SNTG2: variants seen among roughly 807,000 people sequenced by gnomAD.
SNTG2 encodes gamma-2-syntrophin.
SNTG2 carries 74 observed loss-of-function variants against 70.9 expected under a neutral mutation model. The observed-to-expected ratio is 1.04, with a 90% CI of 0.86 to 1.27. The LOEUF is 1.27. Among genes scored for constraint, SNTG2 ranks in the 50% most tolerant of loss-of-function variants. The pLI is 0.00. For synonymous variants in SNTG2, 278 were observed against 273.8 expected, an observed-to-expected ratio of 1.02 and a Z score of -0.15; for missense variants, 717 against 690.7, an observed-to-expected ratio of 1.04 and a Z score of -0.43.
intron 4 of SNTG2, among the ~76,000 whole-genome samples, chr2:1,133,906 G>A (rs565316125): frequency 1.1e-4 from 17 of 149,076 alleles, no homozygotes; most frequent in Admixed American, 9.5e-4. Context: ...GAATGAAGCC[G>A]CGGACCCTCG....
intron 1 of SNTG2, among the ~76,000 whole-genome samples, chr2:1,019,872 G>A (rs113940379): frequency 1.3e-5 from 2 of 151,920 alleles, no homozygotes; most frequent in African/African-American, 2.4e-5. Context: ...GTGAAACCCC[G>A]TCTCTACAAA....
chr2:1,055,033 G>A (rs1199540648), intron 1 of SNTG2, among the ~76,000 whole-genome samples: 1 of 151,636 alleles, frequency 6.6e-6, no homozygotes, highest in African/African-American at 2.4e-5. Flanking sequence ...TCCAGCCTGC[G>A]TCAGGTACTG....
At chr2:1,255,394 T>A (rs1441439126) in intron 12 of SNTG2, among the ~76,000 whole-genome samples, 1 of 152,094 alleles carries the variant, frequency 6.6e-6, no homozygotes, top group Non-Finnish European at 1.5e-5. Context: ...ATGAATCACC[T>A]GGGAATACTT....
intron 4 of SNTG2, among the ~76,000 whole-genome samples, chr2:1,118,746 T>G (rs1000019847): frequency 2.6e-5 from 4 of 151,612 alleles, no homozygotes; most frequent in Non-Finnish European, 5.9e-5. Context: ...ATAAAAATAG[T>G]GAAGAAAGCC....
At chr2:1,028,965 C>A (rs2148029142) in intron 1 of SNTG2, among the ~76,000 whole-genome samples, 1 of 152,178 alleles carries the variant, frequency 6.6e-6, no homozygotes, top group South Asian at 2.1e-4. Context: ...AGAGCAAAAG[C>A]CCTGCCACTG....
intron 4 of SNTG2, among the ~76,000 whole-genome samples, chr2:1,114,666 C>A (rs1666809124): frequency 6.6e-6 from 1 of 151,064 alleles, no homozygotes; most frequent in African/African-American, 2.4e-5. Context: ...TGAGGTTTAA[C>A]CCTTACAGTC....
At chr2:989,057 A>G (rs1661416402) in intron 1 of SNTG2, among the ~76,000 whole-genome samples, 1 of 152,100 alleles carries the variant, frequency 6.6e-6, no homozygotes, top group Non-Finnish European at 1.5e-5. Flanking sequence ...ACATAAATTC[A>G]ACTGATTTTG....
At chr2:972,239 T>C (rs903522539) in intron 1 of SNTG2, among the ~76,000 whole-genome samples, 10 of 152,176 alleles carry the variant, frequency 6.6e-5, no homozygotes, top group Non-Finnish European at 1.5e-4. Flanking sequence ...CAGTGTGGTG[T>C]TAAAGTCTCC....
chr2:1,191,663 C>T (rs774944934), intron 8 of SNTG2, among the ~76,000 whole-genome samples: 7 of 152,154 alleles, frequency 4.6e-5, no homozygotes, highest in South Asian at 2.1e-4. Context: ...GGTGTGGTGG[C>T]GCTCGCCTGT....
chr2:1,332,853 T>C (rs1240671888), intron 16 of SNTG2, among the ~76,000 whole-genome samples: 1 of 152,170 alleles, frequency 6.6e-6, no homozygotes, highest in African/African-American at 2.4e-5. Context: ...AACATCATAC[T>C]GAATGGGGAA....
chr2:1,275,930 C>A (rs1379039528), intron 14 of SNTG2, among the ~76,000 whole-genome samples: 1 of 152,186 alleles, frequency 6.6e-6, no homozygotes, highest in Admixed American at 6.5e-5. Context: ...AAGTTCTGAA[C>A]AAGATCAACG....
Position 1,039,382 on chromosome 2 carries a change from T to G in SNTG2, c.73-44136T>G, listed in dbSNP as rs571535821. ...TTAAATAACATTGAAATGCTTTCTG[T>G]GTGTCAAATTCAGATTATTCAAATG... On this transcript the variant is annotated intron_variant, in intron 1 of 16. Transcript: ENST00000308624. 8.5e-5 allele frequency among the ~76,000 whole-genome samples: 13 copies of G among 152,366 alleles called. No homozygotes were observed. The South Asian group carries it at 1.2e-3, about 15-fold the overall frequency.
intron 15 of SNTG2, among the ~76,000 whole-genome samples, chr2:1,308,937 G>C (rs1030008384): frequency 6.6e-6 from 1 of 152,162 alleles, no homozygotes; most frequent in Non-Finnish European, 1.5e-5. Flanking sequence ...GCGGTGAACA[G>C]TGCCTGTGCC....
intron 1 of SNTG2, among the ~76,000 whole-genome samples, chr2:1,074,072 C>T (rs1663759460): frequency 6.6e-6 from 1 of 152,176 alleles, no homozygotes; most frequent in Non-Finnish European, 1.5e-5. Flanking sequence ...CAGATAGGTT[C>T]CCAGACTCAG....
intron 4 of SNTG2, among the ~76,000 whole-genome samples, chr2:1,106,318 C>G (rs1440516227): frequency 1.6e-5 from 2 of 125,582 alleles, no homozygotes; most frequent in African/African-American, 3.1e-5. Context: ...ATGGAGAGCT[C>G]CTTGATAATA....
intron 4 of SNTG2, among the ~76,000 whole-genome samples, chr2:1,117,273 G>T (rs781523327): frequency 6.6e-6 from 1 of 152,130 alleles, no homozygotes; most frequent in Non-Finnish European, 1.5e-5. Context: ...GCCTTGGATT[G>T]TTTAATAGAG....
chr2:974,120 T>C (rs560974816), intron 1 of SNTG2, among the ~76,000 whole-genome samples: 1 of 152,324 alleles, frequency 6.6e-6, no homozygotes, highest in African/African-American at 2.4e-5. Context: ...AGTGGTGGCC[T>C]CTTCTTTGGC....
intron 16 of SNTG2, among the ~76,000 whole-genome samples, chr2:1,361,343 T>C (rs1661131682): frequency 1.4e-5 from 1 of 71,272 alleles, no homozygotes; most frequent in East Asian, 1.5e-3. Context: ...AGTTGACCCA[T>C]TTAAAAAAAA....
chr2:1,217,635 T>C (rs28411226), intron 9 of SNTG2, among the ~76,000 whole-genome samples: 35,157 of 152,138 alleles, frequency 0.23, 4,864 homozygotes, highest in East Asian at 0.44. Context: ...CTGGCTTATA[T>C]AGACATTATG....
Sources: gnomAD v4.1 joint callset for allele counts (sites outside exome capture counted in the v4.1 genomes callset) on GRCh38, gnomAD v4.1.1 for gene constraint, MANE v1.5 for transcripts, NCBI Gene and HGNC (gene_info 2026-07-23, HGNC 2026-07-21) for gene names.